Variants in LOXL2 observed in about 807,000 individuals in gnomAD.
LOXL2 encodes lysyl oxidase like 2.
A neutral mutation model predicts 93.0 loss-of-function variants in LOXL2; 70 were observed. The observed-to-expected ratio is 0.75, with a 90% CI of 0.62 to 0.92. The LOEUF is 0.92. LOXL2 is among the 40% of genes least tolerant of loss of function. The probability of loss-of-function intolerance (pLI) is 0.00; values close to 1 mark genes in which losing one functional copy is unlikely to be tolerated. For synonymous variants in LOXL2, 438 were observed against 413.2 expected (o/e 1.06, Z -0.73); for missense variants, 973 against 1,054.9 (o/e 0.92, Z 1.08).
chr8:23,320,073 C>T, intron 7 of LOXL2, 21 bp from the exon 8 acceptor site: 1 of 1,612,496 alleles, frequency 6.2e-7, no homozygotes. Context: ...AAAGGCAGGC[C>T]ACGGTCACCA....
chr8:23,355,247 G>C (rs1804174773), intron 3 of LOXL2, among the ~76,000 whole-genome samples: 2 of 151,760 alleles, frequency 1.3e-5, no homozygotes, highest in Non-Finnish European at 2.9e-5. Flanking sequence ...ATCCGGCCGG[G>C]AGTTGGGATA....
rs1201208386 is a variant in LOXL2 at position 23,368,468 on chromosome 8, C to G, written c.-83-34G>C. 4.9e-6 allele frequency: 4 copies of G among 809,610 alleles called. No homozygotes were observed. In the East Asian group the frequency reaches 1.1e-4, roughly 21 times the overall value. The allele number at this position is 809,610 out of a possible 1,614,324, so 50.2% of individuals were successfully genotyped here. A position where few individuals can be genotyped will look rare whatever the true frequency, so the allele number is the denominator to read the frequency against. ...GAGGAGAGATGCGTTAGGATGGGAACGTGGGGCTACGGAGACCTACATAGA... is the reference window on the plus strand; with the variant it reads ...GAGGAGAGATGCGTTAGGATGGGAAGGTGGGGCTACGGAGACCTACATAGA... On this transcript the variant is annotated intron_variant, in intron 1 of 13. Transcript: ENST00000389131.
chr8:23,314,960 T>C (rs1239811308), intron 9 of LOXL2, among the ~76,000 whole-genome samples: 1 of 151,146 alleles, frequency 6.6e-6, no homozygotes, highest in Non-Finnish European at 1.5e-5. Flanking sequence ...TGGGAGGGGG[T>C]GGCCAGCGAG....
At chr8:23,353,665 T>C (rs1173841990) in intron 3 of LOXL2, among the ~76,000 whole-genome samples, 1 of 152,236 alleles carries the variant, frequency 6.6e-6, no homozygotes, top group Non-Finnish European at 1.5e-5. Flanking sequence ...CCAAGCCTAG[T>C]GAGTGATTCA....
At chr8:23,401,118 A>G (rs1800147523) in intron 1 of LOXL2, among the ~76,000 whole-genome samples, 1 of 152,334 alleles carries the variant, frequency 6.6e-6, no homozygotes, top group Admixed American at 6.5e-5. Context: ...TCCCTGGGTC[A>G]CCAGCTGTGC....
chr8:23,378,996 G>A (rs1405065524), intron 1 of LOXL2, among the ~76,000 whole-genome samples: 3 of 149,386 alleles, frequency 2.0e-5, no homozygotes, highest in Admixed American at 2.0e-4. Flanking sequence ...TTCCTTTGGA[G>A]GGGGAGAGGT....
intron 4 of LOXL2, among the ~76,000 whole-genome samples, chr8:23,335,624 T>C (rs773356303): frequency 1.3e-5 from 2 of 152,124 alleles, no homozygotes; most frequent in Non-Finnish European, 2.9e-5. Context: ...TACCTGCTCA[T>C]GTCGACCCAG....
At chr8:23,353,128 T>C (rs1385025422) in intron 3 of LOXL2, among the ~76,000 whole-genome samples, 2 of 152,142 alleles carry the variant, frequency 1.3e-5, no homozygotes, top group Non-Finnish European at 2.9e-5. Context: ...TGTGAGCACA[T>C]GACTGGGCAA....
At chr8:23,396,365 A>C (rs1172761962) in intron 1 of LOXL2, among the ~76,000 whole-genome samples, 2 of 152,020 alleles carry the variant, frequency 1.3e-5, no homozygotes, top group Non-Finnish European at 2.9e-5. Context: ...AAAACGAGAG[A>C]GAGATCAGGT....
At chr8:23,333,374 T>C in intron 5 of LOXL2, 27 bp downstream of exon 5, 5 of 1,603,952 alleles carry the variant, frequency 3.1e-6, no homozygotes, top group Non-Finnish European at 4.3e-6. Flanking sequence ...AGGTGCCAAG[T>C]GGCCACACCT....
chr8:23,333,288 G>A lies in LOXL2; in HGVS notation c.966+113C>T, dbSNP rs182412037. On this transcript the variant is annotated intron_variant, in intron 5 of 13. Coordinates refer to ENST00000389131, the MANE Select transcript of LOXL2 (RefSeq NM_002318.3). ...CTCAGAGTAAAGCAGCCACAATGGT[G>A]ATCTCCGCTGAGGCCACCCTTCCTC... The A allele has an allele frequency of 1.4e-5, 13 of 957,214 alleles. No individual in the cohort carries two copies. In the Middle Eastern group the frequency reaches 1.7e-3, roughly 127 times the overall value. 59.3% of individuals were successfully genotyped at this position (957,214 alleles called of 1,614,324 possible). A position where few individuals can be genotyped will look rare whatever the true frequency, so the allele number is the denominator to read the frequency against.
chr8:23,346,127 T>TAAAAAAA (rs376101493), intron 3 of LOXL2, among the ~76,000 whole-genome samples: 4 of 128,268 alleles, frequency 3.1e-5, no homozygotes, highest in Non-Finnish European at 5.0e-5. Context: ...TAAAATAAAA[T>TAAAAAAA]AAAATAAAAT....
chr8:23,334,821 G>GTT (rs201308827), intron 4 of LOXL2, among the ~76,000 whole-genome samples: 3,955 of 142,956 alleles, frequency 0.028, 94 homozygotes, highest in Non-Finnish European at 0.037. Context: ...ATTTGTTGTT[G>GTT]TTTTTTTTTT....
chr8:23,297,973 AGTT>A lies in LOXL2; in HGVS notation c.*67_*69del. 1 of 1,332,652 alleles carries A rather than the reference AGTT, an allele frequency of 7.5e-7. No homozygotes were observed. The highest frequency in any genetic ancestry group is 1.1e-6 in the Non-Finnish European group (1 of 934,338). The allele number at this position is 1,332,652 out of a possible 1,614,324, so 82.6% of individuals were successfully genotyped here. A position where few individuals can be genotyped will look rare whatever the true frequency, so the allele number is the denominator to read the frequency against. ...GGGCACGTGGCATTCGTTCAGACTC[AGTT>A]GTTGGGGGGAAGTCCCATGGAAGAT... On this transcript the variant is annotated 3_prime_UTR_variant, in exon 14 of 14. Transcript: ENST00000389131.
rs150053996 is a variant in LOXL2, at chr8:23,333,605, C to G, written c.762G>C (p.Arg254Ser). ...TKVYKMFASR[R>S]KQRYWPFSMD... ...TGGAGAATGGCCAGTAGCGCTGCTT[C>G]CTCCGTGAGGCAAACATTCTGCAGA... The change falls in exon 5 of 14, where the codon AGG (arginine) becomes AGC (serine). Residue 254 changes from arginine to serine, a missense_variant. Physicochemically the swap from Arg to Ser is moderately radical, Grantham distance 110. Transcript: ENST00000389131. 1 of 1,613,156 alleles carries G rather than the reference C, an allele frequency of 6.2e-7. No homozygotes were observed. The highest frequency in any genetic ancestry group is 8.5e-7 in the Non-Finnish European group (1 of 1,179,720).
At chr8:23,333,357 C>T (rs1163193301) in intron 5 of LOXL2, 44 bp downstream of exon 5, 1 of 1,568,232 alleles carries the variant, frequency 6.4e-7, no homozygotes, top group South Asian at 1.1e-5. Flanking sequence ...ACCCTCCCAT[C>T]CCCTCCAGGT....
intron 5 of LOXL2, among the ~76,000 whole-genome samples, chr8:23,329,543 CGTGT>C (rs1225219588): frequency 2.0e-5 from 3 of 149,966 alleles, no homozygotes; most frequent in Admixed American, 6.7e-5. Context: ...ATGTGTGGCA[CGTGT>C]GTGTGTAAGC....
intron 8 of LOXL2, among the ~76,000 whole-genome samples, chr8:23,318,565 G>A (rs751214882): frequency 6.6e-6 from 1 of 152,156 alleles, no homozygotes; most frequent in Admixed American, 6.5e-5. Context: ...GAGAAGGGAT[G>A]GGGCTTGTAA....
At chr8:23,301,906 ACCTTG>A (rs1267245457) in intron 12 of LOXL2, 116 bp downstream of exon 12, 1 of 1,242,288 alleles carries the variant, frequency 8.0e-7, no homozygotes, top group African/African-American at 1.5e-5. Context: ...TGGGGGTAGC[ACCTTG>A]CCCTTTAGAC....
Sources: gnomAD v4.1 joint callset for allele counts (sites outside exome capture counted in the v4.1 genomes callset) on GRCh38, gnomAD v4.1.1 for gene constraint, MANE v1.5 for transcripts, NCBI Gene and HGNC (gene_info 2026-07-23, HGNC 2026-07-21) for gene names.